RFFL: variants seen among roughly 807,000 people sequenced by gnomAD.
The protein encoded by RFFL is ring finger and FYVE like domain containing E3 ubiquitin protein ligase.
In RFFL, 16 loss-of-function variants were observed where a neutral mutation model predicts 40.4. The observed-to-expected ratio is 0.40, with a 90% CI of 0.27 to 0.60. RFFL has a LOEUF of 0.60. Ranked by LOEUF, RFFL falls within the 20% of genes least tolerant of loss-of-function variation. The pLI, the probability that RFFL is intolerant of heterozygous loss-of-function variation, is 0.47. For missense variants in RFFL, 367 were observed against 451.7 expected, an observed-to-expected ratio of 0.81 and a Z score of 1.70; for synonymous variants, 154 against 167.9, an observed-to-expected ratio of 0.92 and a Z score of 0.64.
In RFFL at chr17:35,034,308, G is replaced by A. The variant is rs183265470; in HGVS notation, c.-8-7747C>T. On this transcript the variant is annotated intron_variant, in intron 1 of 6. Transcript: ENST00000394597. ...CATGCCACAGCACACTCTAGTCTAG[G>A]CACCACAGAGCAAGTTCCTGTCTCA... Among the ~76,000 whole-genome samples, 6 of 151,832 alleles carry A rather than the reference G, an allele frequency of 4.0e-5. No homozygotes were observed. In the East Asian group the frequency reaches 1.2e-3, roughly 29 times the overall value.
intron 1 of RFFL, among the ~76,000 whole-genome samples, chr17:35,050,682 TTAAAA>T (rs2091226516): frequency 6.6e-6 from 1 of 151,324 alleles, no homozygotes; most frequent in East Asian, 1.9e-4. Context: ...AAAAAATTAA[TTAAAA>T]TAAAAGGATG....
chr17:35,034,188 A>G (rs1156996982), intron 1 of RFFL, among the ~76,000 whole-genome samples: 1 of 151,866 alleles, frequency 6.6e-6, no homozygotes, highest in Non-Finnish European at 1.5e-5. Context: ...GATAATAATT[A>G]GCTGGGCATG....
chr17:35,045,325 CAGGT>C (rs1567709407), intron 1 of RFFL, among the ~76,000 whole-genome samples: 1 of 151,942 alleles, frequency 6.6e-6, no homozygotes, highest in Non-Finnish European at 1.5e-5. Context: ...CTCCACCTCC[CAGGT>C]TCAAGCAATT....
At chr17:35,059,287 G>A (rs1324670376) in intron 1 of RFFL, among the ~76,000 whole-genome samples, 1 of 152,056 alleles carries the variant, frequency 6.6e-6, no homozygotes, top group East Asian at 1.9e-4. Flanking sequence ...CCAAAGTGCT[G>A]AGATTACAGG....
intron 1 of RFFL, among the ~76,000 whole-genome samples, chr17:35,031,393 CA>C (rs2091082180): frequency 6.6e-6 from 1 of 152,066 alleles, no homozygotes; most frequent in Non-Finnish European, 1.5e-5. Flanking sequence ...AGGCGTGAGC[CA>C]CCACACCTGG....
At chr17:35,032,042 C>CCGAGATCG (rs1447243175) in intron 1 of RFFL, among the ~76,000 whole-genome samples, 1 of 150,816 alleles carries the variant, frequency 6.6e-6, no homozygotes, top group Non-Finnish European at 1.5e-5. Flanking sequence ...TTGCAGAGAG[C>CCGAGATCG]CGAGATCGCG....
In RFFL at chr17:35,006,317, A is replaced by G. The variant is rs139711760; in HGVS notation, c.*5651T>C. The stretch of plus-strand genomic sequence containing the variant: ...GAAGTTCTTATTTTAATTCAACTTC[A>G]AATGGTCACATGTCACTAGTGACTA... On this transcript the variant is annotated 3_prime_UTR_variant, in exon 7 of 7. Coordinates refer to ENST00000394597, the MANE Select transcript of RFFL (RefSeq NM_001017368.2). 6.4e-6 allele frequency: 1 copy of G among 155,470 alleles called. No individual in the cohort carries two copies. Among genetic ancestry groups the G allele is most frequent in the East Asian group, 1.9e-4 (1 of 5,276 alleles). 9.6% of individuals were successfully genotyped at this position (155,470 alleles called of 1,614,324 possible).
intron 1 of RFFL, among the ~76,000 whole-genome samples, chr17:35,077,535 T>TTAC (rs2142383569): frequency 1.3e-5 from 2 of 152,344 alleles, no homozygotes; most frequent in African/African-American, 4.8e-5. Context: ...GGGAAACCCT[T>TTAC]ACAAAGCTGG....
chr17:35,017,649 G>A (rs1375233125), intron 3 of RFFL, 43 bp from the exon 4 acceptor site: 2 of 1,315,166 alleles, frequency 1.5e-6, no homozygotes, highest in South Asian at 1.2e-5. Context: ...AGATGTCCCA[G>A]AGATCTGCAT....
At chr17:35,017,216 A>G (rs1684406119) in intron 4 of RFFL, among the ~76,000 whole-genome samples, 1 of 152,178 alleles carries the variant, frequency 6.6e-6, no homozygotes, top group Non-Finnish European at 1.5e-5. Flanking sequence ...AAGCAAGGAA[A>G]GAACAAGACT....
intron 1 of RFFL, among the ~76,000 whole-genome samples, chr17:35,059,776 A>G (rs2091281345): frequency 6.6e-6 from 1 of 152,236 alleles, no homozygotes; most frequent in Non-Finnish European, 1.5e-5. Flanking sequence ...TTTGAAGATG[A>G]TAATGAAGTT....
At chr17:35,029,687 TTTTA>T (rs1301757051) in intron 1 of RFFL, among the ~76,000 whole-genome samples, 1 of 151,492 alleles carries the variant, frequency 6.6e-6, no homozygotes, top group Non-Finnish European at 1.5e-5. Flanking sequence ...CTGGCTAATT[TTTTA>T]TTTTTTTTTA....
intron 1 of RFFL, among the ~76,000 whole-genome samples, chr17:35,082,852 A>C (rs952109537): frequency 6.6e-6 from 1 of 152,220 alleles, no homozygotes; most frequent in Non-Finnish European, 1.5e-5. Context: ...GAGGTTAAGT[A>C]ATTTGCCTAA....
intron 1 of RFFL, among the ~76,000 whole-genome samples, chr17:35,082,815 T>C (rs1805896119): frequency 6.6e-6 from 1 of 152,236 alleles, no homozygotes; most frequent in South Asian, 2.1e-4. Context: ...TATTTTCATC[T>C]TGCAGATGAA....
At chr17:35,016,623 C>A (rs745937286) in intron 4 of RFFL, 43 bp from the exon 5 acceptor site, 10 of 1,520,450 alleles carry the variant, frequency 6.6e-6, no homozygotes, top group African/African-American at 1.4e-5. Flanking sequence ...GCTCTTACCT[C>A]CCCAAGCTCT....
At chr17:35,035,803 A>G (rs921259581) in intron 1 of RFFL, among the ~76,000 whole-genome samples, 16 of 151,922 alleles carry the variant, frequency 1.1e-4, no homozygotes, top group African/African-American at 3.9e-4. Flanking sequence ...TCCAGGGTTC[A>G]AGCGATTCTC....
At chr17:35,053,670 C>G (rs1183136563) in intron 1 of RFFL, among the ~76,000 whole-genome samples, 1 of 152,124 alleles carries the variant, frequency 6.6e-6, no homozygotes, top group Non-Finnish European at 1.5e-5. Flanking sequence ...CAATGAAATG[C>G]CCTACTGTAT....
intron 3 of RFFL, among the ~76,000 whole-genome samples, chr17:35,018,307 A>C (rs887412912): frequency 1.3e-5 from 2 of 152,220 alleles, no homozygotes; most frequent in African/African-American, 4.8e-5. Context: ...TTAGCCTAAC[A>C]CTATATAAAA....
intron 1 of RFFL, 53 bp from the exon 2 acceptor site, chr17:35,026,614 G>T: frequency 6.9e-7 from 1 of 1,459,150 alleles, no homozygotes; most frequent in Non-Finnish European, 9.4e-7. Context: ...CACCTCTACT[G>T]TCCTTTTGAT....
Sources: allele counts gnomAD v4.1 joint callset (sites outside exome capture counted in the v4.1 genomes callset), GRCh38; gene constraint gnomAD v4.1.1; transcripts MANE v1.5; gene names NCBI Gene and HGNC (gene_info 2026-07-23, HGNC 2026-07-21).